NPLOC4: variants seen among roughly 807,000 people sequenced by gnomAD.
NPLOC4 encodes the protein nuclear protein localization protein 4 homolog.
Under a neutral mutation model 80.6 loss-of-function variants are expected in NPLOC4, and 18 were observed. That is an observed-to-expected ratio of 0.22 (90% CI 0.15 to 0.33). NPLOC4 has a LOEUF of 0.33. NPLOC4 is among the 10% of genes least tolerant of loss of function. The probability of loss-of-function intolerance (pLI) is 1.00; values close to 1 mark genes in which losing one functional copy is unlikely to be tolerated. For missense variants in NPLOC4, 540 were observed against 786.1 expected, an observed-to-expected ratio of 0.69 and a Z score of 3.74; for synonymous variants, 313 against 301.5, an observed-to-expected ratio of 1.04 and a Z score of -0.39.
chr17:81,581,209 A>G (rs1318220199), intron 12 of NPLOC4, among the ~76,000 whole-genome samples: 2 of 151,924 alleles, frequency 1.3e-5, no homozygotes, highest in African/African-American at 4.8e-5. Flanking sequence ...AAAATTAGCC[A>G]GGCATGGTGG....
At chr17:81,579,075 A>G (rs2034371610) in intron 12 of NPLOC4, among the ~76,000 whole-genome samples, 1 of 152,200 alleles carries the variant, frequency 6.6e-6, no homozygotes, top group Admixed American at 6.5e-5. Context: ...TGCACACAGC[A>G]TAGACTGCAT....
intron 3 of NPLOC4, 136 bp from the exon 4 acceptor site, chr17:81,613,630 T>A (rs190886822): frequency 4.1e-6 from 3 of 723,858 alleles, no homozygotes; most frequent in African/African-American, 3.6e-5. Context: ...ACTTTTAAGA[T>A]GAGAATTCTC....
intron 11 of NPLOC4, among the ~76,000 whole-genome samples, chr17:81,593,605 T>C (rs1235959998): frequency 6.6e-6 from 1 of 151,966 alleles, no homozygotes; most frequent in East Asian, 1.9e-4. Context: ...AAACAGGAGT[T>C]GAGTCTGATA....
chr17:81,581,037 GAGA>G (rs1292421497), intron 12 of NPLOC4, among the ~76,000 whole-genome samples: 1 of 151,872 alleles, frequency 6.6e-6, no homozygotes, highest in Non-Finnish European at 1.5e-5. Context: ...ATGGCTGAAG[GAGA>G]AGAAAATAGA....
intron 8 of NPLOC4, among the ~76,000 whole-genome samples, chr17:81,601,944 C>A (rs976851152): frequency 2.0e-5 from 3 of 152,136 alleles, no homozygotes; most frequent in African/African-American, 7.2e-5. Context: ...CCCCAGCCTG[C>A]CTCCCAGGCA....
In NPLOC4 at chr17:81,608,775, G is replaced by T; in HGVS notation, c.483C>A (p.His161Gln). Residue 161 changes from histidine (H) to glutamine (Q), a missense_variant, in exon 6 of 17, where the codon CAC becomes CAA. Transcript: ENST00000331134. ...YLNHLEPPVK[H>Q]MSFHAYIRKL... Reference sequence around the variant, plus strand: ...TCCGGATGTAGGCGTGGAAGGACATGTGCTTCACGGGAGGCTCGAGATGGT... The same window carrying T: ...TCCGGATGTAGGCGTGGAAGGACATTTGCTTCACGGGAGGCTCGAGATGGT... 6.3e-7 allele frequency: 1 copy of T among 1,593,598 alleles called. No homozygotes were observed. The highest frequency in any genetic ancestry group is 8.5e-7 in the Non-Finnish European group (1 of 1,169,704).
intron 2 of NPLOC4, among the ~76,000 whole-genome samples, chr17:81,627,565 C>G (rs2035828001): frequency 6.6e-6 from 1 of 151,770 alleles, no homozygotes; most frequent in African/African-American, 2.4e-5. Context: ...CATGGTGAAA[C>G]TCCATCTCTA....
At chr17:81,597,709 G>C (rs1399075085) in intron 9 of NPLOC4, among the ~76,000 whole-genome samples, 7 of 151,274 alleles carry the variant, frequency 4.6e-5, no homozygotes, top group Non-Finnish European at 1.0e-4. Context: ...CTTGAACCCG[G>C]GAGGCAGAGG....
intron 7 of NPLOC4, among the ~76,000 whole-genome samples, 195 bp downstream of exon 7, chr17:81,606,496 A>G (rs901955694): frequency 1.3e-5 from 2 of 152,196 alleles, no homozygotes; most frequent in African/African-American, 4.8e-5. Flanking sequence ...CGCGCACTCC[A>G]TATCTCCAAG....
At chr17:81,595,112 T>C (rs771272937) in intron 11 of NPLOC4, among the ~76,000 whole-genome samples, 12 of 152,038 alleles carry the variant, frequency 7.9e-5, no homozygotes, top group Non-Finnish European at 1.8e-4. Flanking sequence ...CCCAGGCTGG[T>C]CTCAAACTCC....
At chr17:81,624,724 G>T (rs62074733) in intron 2 of NPLOC4, among the ~76,000 whole-genome samples, 1 of 152,148 alleles carries the variant, frequency 6.6e-6, no homozygotes, top group Non-Finnish European at 1.5e-5. Flanking sequence ...ACCTCAGATG[G>T]GAGGCTAGAA....
intron 14 of NPLOC4, chr17:81,568,153 C>T (rs909474805): frequency 6.6e-6 from 1 of 151,406 alleles, no homozygotes; most frequent in Non-Finnish European, 1.5e-5. Context: ...CCTGGTCCCC[C>T]GGTGGAGAGT....
At chr17:81,562,115 C>T (rs1598612301) in intron 16 of NPLOC4, 1 of 151,828 alleles carries the variant, frequency 6.6e-6, no homozygotes, top group African/African-American at 2.4e-5. Context: ...GCCTGTAGTC[C>T]CAGCTACTCG....
chr17:81,596,249 C>A lies in NPLOC4; in HGVS notation c.994-7G>T, dbSNP rs1252969787. On this transcript the variant is annotated splice_polypyrimidine_tract_variant and splice_region_variant and intron_variant, in intron 10 of 16. Coordinates refer to ENST00000331134, the MANE Select transcript of NPLOC4 (RefSeq NM_017921.4). ...AACTTAGGAAATAGGTGTCCTAAGA[C>A]AAGAGAAGCAGCCTATCAAATTTTA... 6.2e-7 allele frequency: 1 copy of A among 1,603,332 alleles called. No individual in the cohort carries two copies. The highest frequency in any genetic ancestry group is 1.3e-5 in the African/African-American group (1 of 74,548).
intron 6 of NPLOC4, 68 bp from the exon 7 acceptor site, chr17:81,606,882 T>C (rs2035218062): frequency 6.8e-7 from 1 of 1,469,114 alleles, no homozygotes. Flanking sequence ...GGAAATGACA[T>C]GCTAAGTATC....
At chr17:81,631,441 T>TATATATATACA (rs1285822446) in intron 1 of NPLOC4, among the ~76,000 whole-genome samples, 17 of 59,288 alleles carry the variant, frequency 2.9e-4, no homozygotes, top group Middle Eastern at 7.2e-3. Context: ...TATATATTTT[T>TATATATATACA]TTTTTTTTTT....
intron 12 of NPLOC4, among the ~76,000 whole-genome samples, chr17:81,574,372 C>G (rs977273033): frequency 2.8e-4 from 42 of 152,274 alleles, no homozygotes; most frequent in African/African-American, 9.6e-4. Context: ...TGTTGTATCC[C>G]CCTTTCCTCC....
intron 8 of NPLOC4, among the ~76,000 whole-genome samples, chr17:81,602,987 A>G (rs2035105336): frequency 1.3e-5 from 1 of 74,436 alleles, no homozygotes; most frequent in Non-Finnish European, 3.3e-5. Flanking sequence ...AAATACACAC[A>G]CACACACACA....
chr17:81,636,942 C>T lies in NPLOC4; in HGVS notation c.-12G>A. 1 of 1,357,814 alleles carries T rather than the reference C, an allele frequency of 7.4e-7. No individual in the cohort carries two copies. The highest frequency in any genetic ancestry group is 9.5e-7 in the Non-Finnish European group (1 of 1,049,490). The allele number at this position is 1,357,814 out of a possible 1,614,324, so 84.1% of individuals were successfully genotyped here. A position where few individuals can be genotyped will look rare whatever the true frequency, so the allele number is the denominator to read the frequency against. On this transcript the variant is annotated 5_prime_UTR_variant, in exon 1 of 17. Transcript: ENST00000331134. ...ATGCTCTCGGCCATGGCGGCTGCTC[C>T]TGCCTCCGGGCTCGAGCCCCGGGCC...
Sources: gnomAD v4.1 joint callset for allele counts (sites outside exome capture counted in the v4.1 genomes callset) on GRCh38, gnomAD v4.1.1 for gene constraint, MANE v1.5 for transcripts, NCBI Gene and HGNC (gene_info 2026-07-23, HGNC 2026-07-21) for gene names.